DMXL1: variants seen among roughly 807,000 people sequenced by gnomAD.
DMXL1 encodes the protein Dmx like 1.
A neutral mutation model predicts 319.2 loss-of-function variants in DMXL1; 99 were observed. The ratio of observed to expected loss-of-function variants is 0.31; its 90% confidence interval spans 0.26 to 0.37. DMXL1 has a LOEUF of 0.37. Among genes scored for constraint, DMXL1 ranks in the 10% least tolerant of loss-of-function variants. The pLI, the probability that DMXL1 is intolerant of heterozygous loss-of-function variation, is 1.00. For missense variants in DMXL1, 3,745 were observed against 3,595.6 expected (o/e 1.04, Z -1.06); for synonymous variants, 1,385 against 1,235.2 (o/e 1.12, Z -2.54).
intron 1 of DMXL1, among the ~76,000 whole-genome samples, chr5:119,084,572 A>G (rs777269495): frequency 1.3e-5 from 2 of 152,108 alleles, no homozygotes; most frequent in Non-Finnish European, 2.9e-5. Context: ...AAATGGAAAA[A>G]ACGATCCTTG....
intron 1 of DMXL1, among the ~76,000 whole-genome samples, chr5:119,087,953 C>A (rs968501619): frequency 2.6e-5 from 4 of 152,146 alleles, no homozygotes; most frequent in Non-Finnish European, 4.4e-5. Context: ...AGGCACCCTC[C>A]ACCATGCCTG....
chr5:119,203,322 C>A lies in DMXL1; in HGVS notation c.7749C>A (p.Ser2583=), dbSNP rs1413143924. The A allele has an allele frequency of 2.5e-6, 4 of 1,569,804 alleles. No homozygotes were observed. Among genetic ancestry groups the A allele is most frequent in the South Asian group, 1.2e-5 (1 of 82,976 alleles). ...AATTTGCTGTCTCTCTCTGTAGATC[C>A]AAACACCATCTGGCACTGTCTGTGA... is the stretch of plus-strand genomic sequence containing the variant. ...LLEPTNTPFK[S]KHHLALSVKR... Residue 2583 remains serine (S), a synonymous_variant, in exon 33 of 44, where the codon TCC becomes TCA. Coordinates refer to ENST00000539542, the MANE Select transcript of DMXL1 (RefSeq NM_001290321.3).
At position 119,247,850 on chromosome 5, in the gene DMXL1, A is replaced by G. The variant is rs777447489; in HGVS notation, c.*631A>G. 2 of 151,898 alleles carry G rather than the reference A, an allele frequency of 1.3e-5. No homozygotes were observed. The highest frequency in any genetic ancestry group is 2.9e-5 in the Non-Finnish European group (2 of 67,930). The allele number at this position is 151,898 out of a possible 1,614,324, so 9.4% of individuals were successfully genotyped here. A position where few individuals can be genotyped will look rare whatever the true frequency, so the allele number is the denominator to read the frequency against. On this transcript the variant is annotated 3_prime_UTR_variant, in exon 44 of 44. Transcript: ENST00000539542. The stretch of plus-strand genomic sequence containing the variant: ...TGTGTATCTTACACATCTTATTTGA[A>G]CTTAGTTGTATATATTAGCGAAAAC...
At chr5:119,183,337 A>T (rs774322322) in intron 28 of DMXL1, among the ~76,000 whole-genome samples, 8 of 152,380 alleles carry the variant, frequency 5.3e-5, no homozygotes, top group South Asian at 4.1e-4. Flanking sequence ...AGACTTGAGC[A>T]TATTAAAATA....
At chr5:119,130,702 C>G (rs1419497450) in intron 10 of DMXL1, among the ~76,000 whole-genome samples, 1 of 152,112 alleles carries the variant, frequency 6.6e-6, no homozygotes, top group Non-Finnish European at 1.5e-5. Context: ...TATTTAACGG[C>G]TGCTGAGTAT....
At chr5:119,099,908 G>A (rs1300753470) in intron 2 of DMXL1, among the ~76,000 whole-genome samples, 1 of 152,138 alleles carries the variant, frequency 6.6e-6, no homozygotes, top group Non-Finnish European at 1.5e-5. Flanking sequence ...AGCTGAGGCG[G>A]GAGAATCACT....
At chr5:119,177,533 C>G in intron 27 of DMXL1, 49 bp downstream of exon 27, 1 of 1,474,510 alleles carries the variant, frequency 6.8e-7, no homozygotes, top group Non-Finnish European at 9.1e-7. Context: ...TATTTATAAT[C>G]TTAGATAAGT....
At chr5:119,197,607 C>T (rs534700477) in intron 31 of DMXL1, 148 bp from the exon 32 acceptor site, 11 of 732,940 alleles carry the variant, frequency 1.5e-5, no homozygotes, top group Non-Finnish European at 2.0e-5. Context: ...CCTTGCACAT[C>T]TTCCCTGCCA....
intron 34 of DMXL1, among the ~76,000 whole-genome samples, chr5:119,210,082 C>T (rs1046557367): frequency 6.6e-6 from 1 of 151,996 alleles, no homozygotes; most frequent in African/African-American, 2.4e-5. Flanking sequence ...GATTCTCATA[C>T]CTCAGGTGTG....
chr5:119,209,207 C>G (rs1782296448), intron 34 of DMXL1, among the ~76,000 whole-genome samples: 1 of 152,120 alleles, frequency 6.6e-6, no homozygotes, highest in Non-Finnish European at 1.5e-5. Flanking sequence ...TTTCATTTCT[C>G]TTGTGTAAAT....
At chr5:119,139,138 A>G (rs1044645775) in intron 13 of DMXL1, among the ~76,000 whole-genome samples, 9 of 152,202 alleles carry the variant, frequency 5.9e-5, no homozygotes, top group African/African-American at 2.2e-4. Flanking sequence ...GGGAGTAGTA[A>G]ATATTGAATG....
In DMXL1 at chr5:119,075,361, T is replaced by C. The variant is rs571929145; in HGVS notation, c.87+3705T>C. Among the ~76,000 whole-genome samples, 39 of 151,430 alleles carry C rather than the reference T, an allele frequency of 2.6e-4. No individual in the cohort carries two copies. The South Asian group carries it at 8.0e-3, about 31-fold the overall frequency. On this transcript the variant is annotated intron_variant, in intron 1 of 43. Coordinates refer to ENST00000539542, the MANE Select transcript of DMXL1 (RefSeq NM_001290321.3). Reference sequence around the variant, plus strand: ...TTCAAGCTGTTCTCGTGCCTCTGCCTCCCAAGCAGCTGGGATTACAGGCGC... The same window carrying C: ...TTCAAGCTGTTCTCGTGCCTCTGCCCCCCAAGCAGCTGGGATTACAGGCGC...
intron 1 of DMXL1, among the ~76,000 whole-genome samples, chr5:119,096,965 G>A (rs907443063): frequency 1.3e-5 from 2 of 152,204 alleles, no homozygotes; most frequent in African/African-American, 4.8e-5. Flanking sequence ...AGGGACAAAA[G>A]ACATTTAAAA....
intron 41 of DMXL1, among the ~76,000 whole-genome samples, chr5:119,240,009 C>T (rs1788482701): frequency 6.6e-6 from 1 of 151,108 alleles, no homozygotes; most frequent in African/African-American, 2.4e-5. Context: ...TGGCTCATGC[C>T]TGTAATCCCA....
chr5:119,205,610 G>A (rs559571985), intron 33 of DMXL1, among the ~76,000 whole-genome samples: 1 of 151,934 alleles, frequency 6.6e-6, no homozygotes, highest in East Asian at 1.9e-4. Context: ...TTTAAACCTT[G>A]ACACAATTAA....
intron 38 of DMXL1, among the ~76,000 whole-genome samples, chr5:119,228,395 A>G (rs1035246687): frequency 2.0e-5 from 3 of 152,222 alleles, no homozygotes; most frequent in African/African-American, 7.2e-5. Flanking sequence ...TGCACAATTG[A>G]CAAGTAAATT....
At chr5:119,104,010 C>G (rs1757818580) in intron 3 of DMXL1, 1 of 152,146 alleles carries the variant, frequency 6.6e-6, no homozygotes, top group South Asian at 2.1e-4. Context: ...AAAAGTGGAT[C>G]AAATGGTGAA....
At position 119,098,004 on chromosome 5, in the gene DMXL1, T is replaced by C; in HGVS notation, c.113T>C (p.Val38Ala). 1 of 1,605,510 alleles carries C rather than the reference T, an allele frequency of 6.2e-7. No homozygotes were observed. ...GCTTATGCATCTGGATGTGACATTG[T>C]AATACTGGGAAGCGATTTTGAAAGA... is the stretch of plus-strand genomic sequence containing the variant. ...FTAYASGCDI[V>A]ILGSDFERLQ... Residue 38 changes from valine (V) to alanine (A), a missense_variant, in exon 2 of 44, where the codon GTA becomes GCA. Coordinates refer to ENST00000539542, the MANE Select transcript of DMXL1 (RefSeq NM_001290321.3).
intron 25 of DMXL1, among the ~76,000 whole-genome samples, chr5:119,173,672 ATGTG>A (rs771056976): frequency 6.7e-4 from 74 of 110,216 alleles, no homozygotes; most frequent in Middle Eastern, 8.5e-3. Context: ...AGTAGGATGT[ATGTG>A]TGTGTGTGTG....
Sources: allele counts gnomAD v4.1 joint callset (sites outside exome capture counted in the v4.1 genomes callset), GRCh38; gene constraint gnomAD v4.1.1; transcripts MANE v1.5; gene names NCBI Gene and HGNC (gene_info 2026-07-23, HGNC 2026-07-21).